Variants in GALNT13 observed in about 807,000 individuals in gnomAD.
GALNT13 encodes the protein UDP-GalNAc:polypeptide N-acetylgalactosaminyltransferase 13.
A neutral mutation model predicts 64.2 loss-of-function variants in GALNT13; 28 were observed. The ratio of observed to expected loss-of-function variants is 0.44; its 90% CI spans 0.32 to 0.60. The LOEUF is 0.60. Ranked by LOEUF, GALNT13 falls within the 20% of genes least tolerant of loss-of-function variation. GALNT13 has a pLI of 0.05. For synonymous variants in GALNT13, 214 were observed against 224.6 expected, an observed-to-expected ratio of 0.95 and a Z score of 0.42; for missense variants, 577 against 669.8, an observed-to-expected ratio of 0.86 and a Z score of 1.53.
At chr2:154,239,192 G>T (rs1471089897) in intron 4 of GALNT13, among the ~76,000 whole-genome samples, 1 of 151,972 alleles carries the variant, frequency 6.6e-6, no homozygotes, top group Non-Finnish European at 1.5e-5. Context: ...ACAAAGTAAA[G>T]CTTGGTAGAA....
intron 3 of GALNT13, among the ~76,000 whole-genome samples, chr2:154,115,203 C>A (rs1703219156): frequency 6.6e-6 from 1 of 152,166 alleles, no homozygotes. Context: ...GGAGATCAGA[C>A]ATTTTCAGCT....
At chr2:154,432,901 T>C (rs1271752863) in intron 11 of GALNT13, among the ~76,000 whole-genome samples, 2 of 152,090 alleles carry the variant, frequency 1.3e-5, no homozygotes, top group Non-Finnish European at 2.9e-5. Flanking sequence ...ATGGAAAGTA[T>C]CAGAATATGA....
rs532843362 is a variant in GALNT13 at position 154,399,852 on chromosome 2, A to C, written c.1296+3722A>C. On this transcript the variant is annotated intron_variant, in intron 10 of 12. Transcript: ENST00000392825. ...AGGGCAAGAGAGAATCAAACAAGTA[A>C]AGAAATTCAGTAGAAGTAAAAGATG... Among the ~76,000 whole-genome samples the C allele has an allele frequency of 3.9e-5, 6 of 152,326 alleles. No individual in the cohort carries two copies. In the South Asian group the frequency reaches 1.2e-3, roughly 32 times the overall value.
chr2:154,147,316 T>TATATATGTATTTGAATGGA (rs1457359729), intron 4 of GALNT13, among the ~76,000 whole-genome samples: 1 of 150,512 alleles, frequency 6.6e-6, no homozygotes, highest in Non-Finnish European at 1.5e-5. Flanking sequence ...ACTATATACA[T>TATATATGTATTTGAATGGA]ATATATGTAT....
chr2:154,415,617 C>T (rs1287852883), intron 11 of GALNT13, among the ~76,000 whole-genome samples: 1 of 152,104 alleles, frequency 6.6e-6, no homozygotes, highest in Non-Finnish European at 1.5e-5. Flanking sequence ...ACAAATATCT[C>T]CTCCTCGTCT....
chr2:153,070,736 C>A, the GALNT13 span, among the ~76,000 whole-genome samples: 2 of 152,124 alleles, frequency 1.3e-5, no homozygotes, highest in Non-Finnish European at 2.9e-5. Flanking sequence ...CTGCAACAGG[C>A]TTTGTATTCT....
chr2:153,380,319 T>C, the GALNT13 span, among the ~76,000 whole-genome samples: 3 of 152,078 alleles, frequency 2.0e-5, no homozygotes, highest in Non-Finnish European at 2.9e-5. Context: ...ATTTAAAATA[T>C]ATGAGGAGGC....
chr2:154,262,140 C>T (rs1690731328), intron 8 of GALNT13, among the ~76,000 whole-genome samples: 1 of 152,016 alleles, frequency 6.6e-6, no homozygotes, highest in Admixed American at 6.6e-5. Flanking sequence ...CTCTTGAAAC[C>T]TTAGGAGAAA....
intron 4 of GALNT13, among the ~76,000 whole-genome samples, chr2:154,224,796 A>T (rs75763710): frequency 0.045 from 6,902 of 152,180 alleles, 533 homozygotes; most frequent in African/African-American, 0.16. Flanking sequence ...TTTTGAAAAA[A>T]TTATCTAAAT....
chr2:153,535,133 T>C, the GALNT13 span, among the ~76,000 whole-genome samples: 254 of 152,090 alleles, frequency 1.7e-3, 1 homozygote, highest in South Asian at 3.1e-3. Context: ...AAGGGAGGTC[T>C]TGTGGTAAGG....
the GALNT13 span, among the ~76,000 whole-genome samples, chr2:153,137,299 A>G: frequency 6.6e-6 from 1 of 152,078 alleles, no homozygotes; most frequent in African/African-American, 2.4e-5. Context: ...TTATATGCCC[A>G]GCTATGGGTT....
chr2:153,358,524 T>G, the GALNT13 span, among the ~76,000 whole-genome samples: 1 of 152,192 alleles, frequency 6.6e-6, no homozygotes, highest in Non-Finnish European at 1.5e-5. Flanking sequence ...CTAGTGAGAC[T>G]TTTATATTTT....
At chr2:153,717,341 T>C in the GALNT13 span, among the ~76,000 whole-genome samples, 1 of 152,228 alleles carries the variant, frequency 6.6e-6, no homozygotes, top group Non-Finnish European at 1.5e-5. Flanking sequence ...AGACAATAAG[T>C]GAAGCAGACT....
intron 1 of GALNT13, among the ~76,000 whole-genome samples, chr2:153,899,774 C>T (rs1482945661): frequency 6.6e-6 from 1 of 152,028 alleles, no homozygotes. Context: ...ACCCAGATCT[C>T]TCAGCAGAAA....
chr2:153,436,940 C>T, the GALNT13 span, among the ~76,000 whole-genome samples: 1 of 152,020 alleles, frequency 6.6e-6, no homozygotes, highest in African/African-American at 2.4e-5. Context: ...TTGGATCTTT[C>T]CTGCTTTCTC....
At chr2:153,564,735 T>C in the GALNT13 span, among the ~76,000 whole-genome samples, 6 of 152,154 alleles carry the variant, frequency 3.9e-5, no homozygotes, top group African/African-American at 1.2e-4. Context: ...ATTACTATCA[T>C]ACAGAGTGGC....
At chr2:154,071,761 T>C (rs1021375825) in intron 3 of GALNT13, among the ~76,000 whole-genome samples, 1 of 152,132 alleles carries the variant, frequency 6.6e-6, no homozygotes, top group African/African-American at 2.4e-5. Context: ...TCTCATGTTA[T>C]AAACGAGTGT....
chr2:153,300,489 G>A, the GALNT13 span, among the ~76,000 whole-genome samples: 41 of 152,280 alleles, frequency 2.7e-4, no homozygotes, highest in African/African-American at 9.4e-4. Context: ...AAAGCAAAGG[G>A]GATTGCTGAG....
chr2:153,840,268 A>T, the GALNT13 span, among the ~76,000 whole-genome samples: 5 of 152,138 alleles, frequency 3.3e-5, no homozygotes, highest in Non-Finnish European at 7.4e-5. Flanking sequence ...ATTTGGTGTT[A>T]TGTTCCTATA....
Sources: gnomAD v4.1 joint callset for allele counts (sites outside exome capture counted in the v4.1 genomes callset) on GRCh38, gnomAD v4.1.1 for gene constraint, MANE v1.5 for transcripts, NCBI Gene and HGNC (gene_info 2026-07-23, HGNC 2026-07-21) for gene names.